Variants in ZNF618 observed in about 807,000 individuals in gnomAD.
ZNF618 encodes neural precursor cell expressed, developmentally down-regulated 10.
Under a neutral mutation model 103.0 loss-of-function variants are expected in ZNF618, and 34 were observed. That is an observed-to-expected ratio of 0.33 (90% CI 0.25 to 0.44). The LOEUF is 0.44. Among genes scored for constraint, ZNF618 ranks in the 20% least tolerant of loss-of-function variants. The pLI is 1.00. For missense variants in ZNF618, 1,059 were observed against 1,295.4 expected (o/e 0.82, Z 2.80); for synonymous variants, 551 against 542.2 (o/e 1.02, Z -0.23).
At chr9:114,029,065 A>G (rs993302004) in intron 11 of ZNF618, 93 bp downstream of exon 11, 32 of 1,475,468 alleles carry the variant, frequency 2.2e-5, no homozygotes, top group Middle Eastern at 3.5e-4. Context: ...TTGCCTTGCA[A>G]GAGCAAGAGT....
chr9:114,038,326 T>G (rs10121424), intron 13 of ZNF618, among the ~76,000 whole-genome samples: 2 of 152,054 alleles, frequency 1.3e-5, no homozygotes, highest in East Asian at 3.9e-4. Context: ...AGGTCTGAGC[T>G]TTGAGGTGGC....
chr9:113,959,848 A>G lies in ZNF618; in HGVS notation c.34-9269A>G, dbSNP rs546824691. ...GGTCTCGACCTCCTGACCTCAGGTGATCCACCCGCCTCGGCCTCCCAAAGT... is the reference window on the plus strand; with the variant it reads ...GGTCTCGACCTCCTGACCTCAGGTGGTCCACCCGCCTCGGCCTCCCAAAGT... On this transcript the variant is annotated intron_variant, in intron 1 of 14. Transcript: ENST00000374126. Among the ~76,000 whole-genome samples the G allele has an allele frequency of 2.0e-4, 30 of 152,220 alleles. No individual in the cohort carries two copies. The East Asian group carries it at 5.4e-3, about 28-fold the overall frequency.
At chr9:114,008,318 G>T in intron 7 of ZNF618, 26 bp from the exon 8 acceptor site, 1 of 1,612,846 alleles carries the variant, frequency 6.2e-7, no homozygotes, top group Non-Finnish European at 8.5e-7. Context: ...TTCCTTCTGC[G>T]GCTGCCGCCT....
chr9:113,910,030 G>A (rs1394920048), intron 1 of ZNF618, among the ~76,000 whole-genome samples: 1 of 152,148 alleles, frequency 6.6e-6, no homozygotes, highest in East Asian at 1.9e-4. Flanking sequence ...GGATCTGCCC[G>A]CCTTGGCCTC....
chr9:113,918,053 G>C (rs145634903), intron 1 of ZNF618, among the ~76,000 whole-genome samples: 1 of 152,292 alleles, frequency 6.6e-6, no homozygotes, highest in East Asian at 1.9e-4. Context: ...TTAGTCTTCA[G>C]CAGTCAGGGG....
chr9:114,024,037 C>G (rs1843288045), intron 10 of ZNF618, among the ~76,000 whole-genome samples: 1 of 152,138 alleles, frequency 6.6e-6, no homozygotes, highest in South Asian at 2.1e-4. Flanking sequence ...TCTCTCTTTT[C>G]TCTCTTGTTG....
At position 113,951,093 on chromosome 9, in the gene ZNF618, T is replaced by A. The variant is rs12115719; in HGVS notation, c.34-18024T>A. ...AATTGTTGAATGGGAGGGGGCTTGA[T>A]TGGAGGCTAGAAGGCCAGTTGGAGG... is the stretch of plus-strand genomic sequence containing the variant. On this transcript the variant is annotated intron_variant, in intron 1 of 14. Coordinates refer to ENST00000374126, the MANE Select transcript of ZNF618 (RefSeq NM_001318042.2). Among the ~76,000 whole-genome samples, 1,043 of 151,072 alleles carry A rather than the reference T, an allele frequency of 6.9e-3. 14 individuals are homozygous for A. The highest frequency in any genetic ancestry group is 0.024 in the African/African-American group (974 of 41,138).
chr9:113,940,150 C>T (rs948348573), intron 1 of ZNF618, among the ~76,000 whole-genome samples: 1 of 151,420 alleles, frequency 6.6e-6, no homozygotes, highest in Non-Finnish European at 1.5e-5. Flanking sequence ...TCCAAATAAC[C>T]TTTAGGTTAC....
chr9:113,993,211 A>G (rs575970968), intron 3 of ZNF618, among the ~76,000 whole-genome samples: 1 of 151,920 alleles, frequency 6.6e-6, no homozygotes, highest in East Asian at 1.9e-4. Context: ...ACAAGGCACT[A>G]CCATTGCTCC....
intron 1 of ZNF618, among the ~76,000 whole-genome samples, chr9:113,895,112 T>A (rs1469131832): frequency 6.6e-6 from 1 of 151,562 alleles, no homozygotes; most frequent in East Asian, 1.9e-4. Context: ...AGCATCCTTC[T>A]GAGTTGCTAA....
intron 1 of ZNF618, among the ~76,000 whole-genome samples, chr9:113,944,844 A>G (rs1374601952): frequency 6.6e-6 from 1 of 152,176 alleles, no homozygotes; most frequent in Non-Finnish European, 1.5e-5. Context: ...TTTCCTCGTG[A>G]CAGCCCATCT....
chr9:113,983,028 G>C (rs554053961), intron 2 of ZNF618, among the ~76,000 whole-genome samples: 3 of 152,288 alleles, frequency 2.0e-5, no homozygotes, highest in Admixed American at 1.3e-4. Context: ...AGCATATCTT[G>C]AGCAACTATT....
At chr9:113,998,728 G>T (rs10982026) in intron 4 of ZNF618, among the ~76,000 whole-genome samples, 43,226 of 152,214 alleles carry the variant, frequency 0.28, 7,923 homozygotes, top group East Asian at 0.62. Context: ...GCAGGACTTC[G>T]CAGGGCCTGC....
In ZNF618 at chr9:113,977,418, C is replaced by T. The variant is rs142690115; in HGVS notation, c.77+8258C>T. The stretch of plus-strand genomic sequence containing the variant: ...GGAGTGTGTTTATCCTTTGTTTAGA[C>T]GTCCAGTGTGAGGGCTTAGGGATGG... On this transcript the variant is annotated intron_variant, in intron 2 of 14. Coordinates refer to ENST00000374126, the MANE Select transcript of ZNF618 (RefSeq NM_001318042.2). Among the ~76,000 whole-genome samples the T allele has an allele frequency of 3.7e-3, 568 of 152,258 alleles. 3 individuals carry two copies. The highest frequency in any genetic ancestry group is 6.8e-3 in the Middle Eastern group (2 of 294).
intron 1 of ZNF618, among the ~76,000 whole-genome samples, chr9:113,922,481 T>C (rs12238400): frequency 3.9e-5 from 3 of 76,976 alleles, no homozygotes; most frequent in Non-Finnish European, 1.0e-4. Context: ...TGGTTTGTTT[T>C]TTTTTTTTTT....
At chr9:113,979,111 C>T (rs1838743968) in intron 2 of ZNF618, among the ~76,000 whole-genome samples, 1 of 152,192 alleles carries the variant, frequency 6.6e-6, no homozygotes, top group Non-Finnish European at 1.5e-5. Context: ...GCCCTGGTCT[C>T]TGGAAATCTT....
intron 13 of ZNF618, among the ~76,000 whole-genome samples, chr9:114,044,629 G>A (rs1042351524): frequency 6.6e-6 from 1 of 152,110 alleles, no homozygotes; most frequent in Non-Finnish European, 1.5e-5. Context: ...GATGCTGTTG[G>A]CAGTATGGTC....
intron 2 of ZNF618, among the ~76,000 whole-genome samples, chr9:113,974,437 A>G (rs1231089441): frequency 1.3e-5 from 2 of 152,368 alleles, no homozygotes; most frequent in Non-Finnish European, 2.9e-5. Flanking sequence ...ATCAGGAGCC[A>G]CTGGGGAGTT....
Position 114,036,364 on chromosome 9 carries a change from G to A in ZNF618, c.1233G>A (p.Met411Ile). 3 of 1,578,378 alleles carry A rather than the reference G, an allele frequency of 1.9e-6. No homozygotes were observed. Among genetic ancestry groups the A allele is most frequent in the South Asian group, 2.3e-5 (2 of 85,710 alleles). The change falls in exon 13 of 15, where the codon ATG becomes ATA. Residue 411 changes from methionine (M) to isoleucine (I), a missense_variant. Transcript: ENST00000374126. Reference protein sequence around the residue: ...FQFYNNLLEHMQSHAADNENN... With the variant: ...FQFYNNLLEHIQSHAADNENN... ...TCTACAACAACCTGTTGGAGCACAT[G>A]CAGTCCCATGCAGGTAAGTAGGATA...
Sources: gnomAD v4.1 joint callset for allele counts (sites outside exome capture counted in the v4.1 genomes callset) on GRCh38, gnomAD v4.1.1 for gene constraint, MANE v1.5 for transcripts, NCBI Gene and HGNC (gene_info 2026-07-23, HGNC 2026-07-21) for gene names.